MAN2A1: variants seen among roughly 807,000 people sequenced by gnomAD.
MAN2A1 encodes mannosidase alpha class 2A member 1, also known as alpha-mannosidase 2.
A neutral mutation model predicts 142.6 loss-of-function variants in MAN2A1; 76 were observed. The observed-to-expected ratio is 0.53, with a 90% confidence interval of 0.44 to 0.65. MAN2A1 has a LOEUF of 0.65. MAN2A1 is among the 30% of genes least tolerant of loss of function. The probability of loss-of-function intolerance (pLI) is 0.00; values close to 1 mark genes in which losing one functional copy is unlikely to be tolerated. For missense variants in MAN2A1, 1,311 were observed against 1,365.1 expected, an observed-to-expected ratio of 0.96 and a Z score of 0.62; for synonymous variants, 559 against 473.2, an observed-to-expected ratio of 1.18 and a Z score of -2.35.
At position 109,819,844 on chromosome 5, in the gene MAN2A1, A is replaced by G; in HGVS notation, c.2285A>G (p.Asn762Ser). The change falls in exon 14 of 22, where the codon AAC becomes AGC. Residue 762 changes from asparagine (N) to serine (S), a missense_variant. By Grantham distance (46) the Asn-to-Ser change is conservative (BLOSUM62 1). Around this residue, in one of 3 missense-constraint regions of MAN2A1, gnomAD observed 890 missense variants for 920.5 expected, o/e 0.97. Coordinates refer to ENST00000261483, the MANE Select transcript of MAN2A1 (RefSeq NM_002372.4). ...ACTGAAGAAGGTATAACACTAGAGA[A>G]CTCCTTTGTTTTACTTCGGTTTGAT... Reference protein sequence around the residue: ...INTEEGITLENSFVLLRFDQT... With the variant: ...INTEEGITLESSFVLLRFDQT... 1 of 1,606,352 alleles carries G rather than the reference A, an allele frequency of 6.2e-7. No individual in the cohort carries two copies. Among genetic ancestry groups the G allele is most frequent in the South Asian group, 1.1e-5 (1 of 89,408 alleles).
intron 16 of MAN2A1, 123 bp from the exon 17 acceptor site, chr5:109,842,205 T>C: frequency 1.8e-6 from 1 of 571,018 alleles, no homozygotes; most frequent in Non-Finnish European, 2.9e-6. Context: ...ATATGAGAGA[T>C]GTTAAGACAA....
chr5:109,769,603 C>T (rs959577951), intron 6 of MAN2A1, among the ~76,000 whole-genome samples: 3 of 152,194 alleles, frequency 2.0e-5, no homozygotes, highest in African/African-American at 7.2e-5. Context: ...CTCTCCAGGC[C>T]AACATGTGAT....
intron 1 of MAN2A1, among the ~76,000 whole-genome samples, chr5:109,697,462 T>A (rs1320731115): frequency 6.6e-6 from 1 of 152,206 alleles, no homozygotes; most frequent in Non-Finnish European, 1.5e-5. Context: ...CCTTCTTTTG[T>A]CTCCAAGGCC....
intron 12 of MAN2A1, among the ~76,000 whole-genome samples, chr5:109,804,602 G>A (rs781142392): frequency 2.0e-5 from 3 of 152,022 alleles, no homozygotes; most frequent in Non-Finnish European, 4.4e-5. Context: ...TGTATAGTAG[G>A]GAGTCTTTCC....
chr5:109,757,974 T>C (rs995027390), intron 5 of MAN2A1, among the ~76,000 whole-genome samples: 5 of 152,210 alleles, frequency 3.3e-5, no homozygotes, highest in African/African-American at 1.2e-4. Flanking sequence ...ATTTTGCTTT[T>C]GGCTGCTGTG....
At chr5:109,858,868 G>A (rs1210127149) in intron 20 of MAN2A1, among the ~76,000 whole-genome samples, 1 of 152,216 alleles carries the variant, frequency 6.6e-6, no homozygotes, top group African/African-American at 2.4e-5. Flanking sequence ...TAGATTCGAA[G>A]AACAGTGAGG....
intron 12 of MAN2A1, 32 bp downstream of exon 12, chr5:109,789,559 A>G (rs758842859): frequency 6.9e-7 from 1 of 1,439,196 alleles, no homozygotes; most frequent in Admixed American, 2.2e-5. Context: ...AATGTTTACC[A>G]CTTTCTGGCT....
At chr5:109,734,545 T>C (rs1353828173) in intron 4 of MAN2A1, among the ~76,000 whole-genome samples, 4 of 152,206 alleles carry the variant, frequency 2.6e-5, no homozygotes, top group Non-Finnish European at 5.9e-5. Context: ...GCTTTGAATG[T>C]GTCCCAGAGA....
chr5:109,841,272 T>A (rs916826896), intron 16 of MAN2A1, among the ~76,000 whole-genome samples: 1 of 152,172 alleles, frequency 6.6e-6, no homozygotes, highest in African/African-American at 2.4e-5. Flanking sequence ...GCACTCTATT[T>A]GTAGTCTTTT....
At chr5:109,802,605 C>T (rs1199434694) in intron 12 of MAN2A1, among the ~76,000 whole-genome samples, 1 of 152,094 alleles carries the variant, frequency 6.6e-6, no homozygotes, top group African/African-American at 2.4e-5. Flanking sequence ...TACTTGGGTG[C>T]CTCAGCTTTT....
At chr5:109,728,902 A>G (rs1274345305) in intron 3 of MAN2A1, among the ~76,000 whole-genome samples, 2 of 152,098 alleles carry the variant, frequency 1.3e-5, no homozygotes, top group Non-Finnish European at 2.9e-5. Flanking sequence ...AACTTATTTA[A>G]TGGGTGAAGA....
intron 4 of MAN2A1, among the ~76,000 whole-genome samples, chr5:109,737,553 G>A (rs990020720): frequency 2.0e-5 from 3 of 151,804 alleles, no homozygotes; most frequent in Non-Finnish European, 2.9e-5. Flanking sequence ...TGCTAATTCC[G>A]TATTTTACAA....
intron 20 of MAN2A1, among the ~76,000 whole-genome samples, chr5:109,856,438 A>T (rs1437943437): frequency 6.6e-6 from 1 of 152,182 alleles, no homozygotes; most frequent in Non-Finnish European, 1.5e-5. Context: ...ATGTGGGAGG[A>T]TAAATTTATG....
intron 19 of MAN2A1, among the ~76,000 whole-genome samples, chr5:109,850,198 C>A (rs528884279): frequency 6.6e-6 from 1 of 152,186 alleles, no homozygotes; most frequent in Admixed American, 6.6e-5. Context: ...TGGCAGAGGA[C>A]ATGCCTAATA....
chr5:109,703,669 G>A (rs1751050314), intron 1 of MAN2A1, among the ~76,000 whole-genome samples: 1 of 152,190 alleles, frequency 6.6e-6, no homozygotes, highest in South Asian at 2.1e-4. Flanking sequence ...TAAAGAAAGA[G>A]TTCTGTTAGT....
intron 1 of MAN2A1, among the ~76,000 whole-genome samples, chr5:109,700,889 G>T (rs547890449): frequency 1.3e-5 from 2 of 152,102 alleles, no homozygotes; most frequent in Admixed American, 6.5e-5. Context: ...TGGAAATTGT[G>T]GTAGACATAT....
chr5:109,814,944 C>A (rs1754413822), intron 12 of MAN2A1, among the ~76,000 whole-genome samples: 1 of 152,106 alleles, frequency 6.6e-6, no homozygotes, highest in Non-Finnish European at 1.5e-5. Context: ...CTAGGTATGC[C>A]TCAGGGCTAC....
intron 20 of MAN2A1, among the ~76,000 whole-genome samples, chr5:109,855,976 T>C (rs1425606954): frequency 6.6e-6 from 1 of 152,158 alleles, no homozygotes. Flanking sequence ...TAGTAAGTGG[T>C]TATGGATTCT....
intron 4 of MAN2A1, among the ~76,000 whole-genome samples, chr5:109,738,183 T>A (rs1752159197): frequency 6.6e-6 from 1 of 152,138 alleles, no homozygotes; most frequent in African/African-American, 2.4e-5. Context: ...TGACTGTACT[T>A]ATTTTTTGCT....
Sources: gnomAD v4.1 joint callset for allele counts (sites outside exome capture counted in the v4.1 genomes callset) on GRCh38, gnomAD v4.1.1 for gene constraint, gnomAD v4.1.1 regional missense constraint, MANE v1.5 for transcripts, NCBI Gene and HGNC (gene_info 2026-07-23, HGNC 2026-07-21) for gene names.